The following ZNF618 variants were observed in gnomAD, a reference collection of about 807,000 sequenced individuals.
The protein encoded by ZNF618 is zinc finger protein 618.
ZNF618 carries 34 observed loss-of-function variants against 103.0 expected under a neutral mutation model. The observed-to-expected ratio is 0.33, with a 90% CI of 0.25 to 0.44. ZNF618 has a LOEUF of 0.44. ZNF618 is among the 20% of genes least tolerant of loss of function. The probability of loss-of-function intolerance (pLI) is 1.00; values close to 1 mark genes in which losing one functional copy is unlikely to be tolerated. For missense variants in ZNF618, 1,059 were observed against 1,295.4 expected (o/e 0.82, Z 2.80); for synonymous variants, 551 against 542.2 (o/e 1.02, Z -0.23).
At chr9:113,879,279 T>G (rs1828261432) in intron 1 of ZNF618, among the ~76,000 whole-genome samples, 1 of 151,934 alleles carries the variant, frequency 6.6e-6, no homozygotes, top group Non-Finnish European at 1.5e-5. Context: ...GTGGCCTGGA[T>G]CTCCTGACAC....
chr9:113,988,318 C>T lies in ZNF618; in HGVS notation c.78-3C>T. On this transcript the variant is annotated splice_region_variant and splice_polypyrimidine_tract_variant and intron_variant, in intron 2 of 14. Transcript: ENST00000374126. ...GTATTGAACGGAGTTTCTTCTTTCC[C>T]AGGGAGCGCTTGAAGCGCAGCCAGA... The T allele has an allele frequency of 6.2e-7, 1 of 1,610,166 alleles. No individual in the cohort carries two copies. Among genetic ancestry groups the T allele is most frequent in the East Asian group, 2.2e-5 (1 of 44,816 alleles).
In ZNF618 at chr9:114,007,449, G is replaced by T. The variant is rs186494717; in HGVS notation, c.640+10G>T. On this transcript the variant is annotated intron_variant, in intron 7 of 14. Transcript: ENST00000374126. ...CTGCACGCAGTGGATGGTGAGTCAG[G>T]CCCCTCACTCCCTGGAGTCATGCCA... 3.1e-6 allele frequency: 5 copies of T among 1,611,960 alleles called. No individual in the cohort carries two copies. The highest frequency in any genetic ancestry group is 2.5e-6 in the Non-Finnish European group (3 of 1,179,380).
intron 1 of ZNF618, among the ~76,000 whole-genome samples, chr9:113,924,790 T>C (rs932166366): frequency 6.6e-6 from 1 of 151,984 alleles, no homozygotes; most frequent in African/African-American, 2.4e-5. Context: ...CTGTGTGTTA[T>C]TTAGAAGTGT....
chr9:113,912,100 C>T (rs934084250), intron 1 of ZNF618, among the ~76,000 whole-genome samples: 2 of 152,138 alleles, frequency 1.3e-5, no homozygotes, highest in Non-Finnish European at 2.9e-5. Context: ...ATACTGCCAC[C>T]GACCACACTT....
intron 9 of ZNF618, among the ~76,000 whole-genome samples, chr9:114,013,498 T>G (rs1325765323): frequency 2.0e-5 from 3 of 152,220 alleles, no homozygotes; most frequent in Non-Finnish European, 4.4e-5. Context: ...TGGCGCAGTC[T>G]CGGCTCACTG....
chr9:113,988,923 C>T lies in ZNF618; in HGVS notation c.337+343C>T, dbSNP rs528454202. On this transcript the variant is annotated intron_variant, in intron 3 of 14. Transcript: ENST00000374126. ...GGGGTCTCCCACAGCCCTTACTGCT[C>T]GGTGTCCTAAATGCCTCTCTGCTGG... Among the ~76,000 whole-genome samples the T allele has an allele frequency of 7.2e-5, 11 of 151,852 alleles. No individual in the cohort carries two copies. The South Asian group carries it at 1.0e-3, about 14-fold the overall frequency.
At chr9:113,933,723 G>A (rs1338467239) in intron 1 of ZNF618, among the ~76,000 whole-genome samples, 1 of 152,212 alleles carries the variant, frequency 6.6e-6, no homozygotes, top group African/African-American at 2.4e-5. Context: ...GGGTAGGCAA[G>A]GAGTTGACTT....
At position 114,054,431 on chromosome 9, in the gene ZNF618, C is replaced by T. The variant is rs371342957; in HGVS notation, c.*4264C>T. The T allele has an allele frequency of 7.2e-5, 11 of 152,316 alleles. No individual in the cohort carries two copies. In the East Asian group the frequency reaches 1.5e-3, roughly 21 times the overall value. 9.4% of individuals were successfully genotyped at this position (152,316 alleles called of 1,614,324 possible). A position where few individuals can be genotyped will look rare whatever the true frequency, so the allele number is the denominator to read the frequency against. On this transcript the variant is annotated 3_prime_UTR_variant, in exon 15 of 15. Transcript: ENST00000374126. ...GCCGCCCGAAGTTCATAGCTTTGCC[C>T]TCGCCTTGGCAACAGCGGCAATGCC...
Position 113,884,905 on chromosome 9 carries a change from T to C in ZNF618, c.33+8492T>C, listed in dbSNP as rs76534673. 1.0e-3 allele frequency among the ~76,000 whole-genome samples: 156 copies of C among 152,194 alleles called. 3 individuals are homozygous for C. The East Asian group carries it at 0.025, about 24-fold the overall frequency. On this transcript the variant is annotated intron_variant, in intron 1 of 14. Coordinates refer to ENST00000374126, the MANE Select transcript of ZNF618 (RefSeq NM_001318042.2). ...GTGGGACTAAAAGCCTCAGATTTCTTCACTCCTCAACCAGTGCTTTTCCTG... is the reference window on the plus strand; with the variant it reads ...GTGGGACTAAAAGCCTCAGATTTCTCCACTCCTCAACCAGTGCTTTTCCTG...
At position 114,056,144 on chromosome 9, in the gene ZNF618, G is replaced by C. The variant is rs2134819990; in HGVS notation, c.*5977G>C. 6.6e-6 allele frequency: 1 copy of C among 152,294 alleles called. No homozygotes were observed. 9.4% of individuals were successfully genotyped at this position (152,294 alleles called of 1,614,324 possible). A position where few individuals can be genotyped will look rare whatever the true frequency, so the allele number is the denominator to read the frequency against. ...TGTAAACCCCCGAGACCAAACTTGA[G>C]GGTTTATTTAGGGTTTTCTGTTTGT... On this transcript the variant is annotated 3_prime_UTR_variant, in exon 15 of 15. Transcript: ENST00000374126.
At chr9:113,914,680 A>T (rs1216277319) in intron 1 of ZNF618, among the ~76,000 whole-genome samples, 1 of 152,250 alleles carries the variant, frequency 6.6e-6, no homozygotes, top group Non-Finnish European at 1.5e-5. Context: ...TATGCTAATT[A>T]TAAAAACATC....
rs540443571 is a variant in ZNF618, at chr9:113,968,582, A to G, written c.34-535A>G. On this transcript the variant is annotated intron_variant, in intron 1 of 14. Coordinates refer to ENST00000374126, the MANE Select transcript of ZNF618 (RefSeq NM_001318042.2). The stretch of plus-strand genomic sequence containing the variant: ...AGGCCCCAGTCTCTGCATCTGAATC[A>G]GAATTGTATGATTTCTGAAAATTTC... 8.7e-4 allele frequency among the ~76,000 whole-genome samples: 133 copies of G among 152,304 alleles called. 1 individual carries two copies. Among genetic ancestry groups the G allele is most frequent in the Admixed American group, 3.8e-3 (58 of 15,310 alleles).
intron 13 of ZNF618, 104 bp downstream of exon 13, chr9:114,036,481 C>A: frequency 8.1e-7 from 1 of 1,229,872 alleles, no homozygotes; most frequent in Non-Finnish European, 1.1e-6. Context: ...CCGCTCTTTC[C>A]TGGAAAATGG....
At chr9:114,018,178 A>C (rs952182304) in intron 10 of ZNF618, among the ~76,000 whole-genome samples, 1 of 152,212 alleles carries the variant, frequency 6.6e-6, no homozygotes, top group Non-Finnish European at 1.5e-5. Context: ...TAGGTCATTC[A>C]GTACCCGCCA....
chr9:114,002,004 G>A lies in ZNF618; in HGVS notation c.442G>A (p.Glu148Lys). 2 of 1,613,920 alleles carry A rather than the reference G, an allele frequency of 1.2e-6. No individual in the cohort carries two copies. The highest frequency in any genetic ancestry group is 8.5e-7 in the Non-Finnish European group (1 of 1,179,838). Residue 148 changes from glutamate (E) to lysine (K), a missense_variant, in exon 5 of 15, where the codon GAA (glutamate) becomes AAA (lysine). Physicochemically the swap from Glu to Lys is moderately conservative, Grantham distance 56. Coordinates refer to ENST00000374126, the MANE Select transcript of ZNF618 (RefSeq NM_001318042.2). ...CCTCTTCTGTTTTCCAGGGTCTTAC[G>A]AATGCGGAATCTGTGGCAAGAAGTA... ...QALRYASGSY[E>K]CGICGKKYKY...
Position 114,049,319 on chromosome 9 carries a change from G to A in ZNF618, c.2017G>A (p.Gly673Ser), listed in dbSNP as rs1173481283. The change falls in exon 15 of 15, where the codon GGC becomes AGC. Residue 673 changes from glycine to serine, a missense_variant. By Grantham distance (56) the Gly-to-Ser change is moderately conservative. Coordinates refer to ENST00000374126, the MANE Select transcript of ZNF618 (RefSeq NM_001318042.2). ...ELLNVCEDLAGSTGLAKETFG... is the reference protein window; with the variant it reads ...ELLNVCEDLASSTGLAKETFG... ...GCTCAACGTGTGCGAGGACCTGGCG[G>A]GCTCCACGGGCCTGGCCAAGGAGAC... 6.2e-7 allele frequency: 1 copy of A among 1,611,556 alleles called. No individual in the cohort carries two copies. Among genetic ancestry groups the A allele is most frequent in the Non-Finnish European group, 8.5e-7 (1 of 1,179,576 alleles).
chr9:114,010,747 C>T lies in ZNF618; in HGVS notation c.754+2193C>T, dbSNP rs530036066. On this transcript the variant is annotated intron_variant, in intron 9 of 14. Coordinates refer to ENST00000374126, the MANE Select transcript of ZNF618 (RefSeq NM_001318042.2). Reference sequence around the variant, plus strand: ...TTCATAGTTTGGTGACTATGACAGACATTCATAGGCAGATATAGGACAGGA... The same window carrying T: ...TTCATAGTTTGGTGACTATGACAGATATTCATAGGCAGATATAGGACAGGA... Among the ~76,000 whole-genome samples, 5 of 152,270 alleles carry T rather than the reference C, an allele frequency of 3.3e-5. No individual in the cohort carries two copies. The South Asian group carries it at 1.0e-3, about 32-fold the overall frequency.
rs532802826 is a variant in ZNF618 at position 114,032,825 on chromosome 9, T to C, written c.1168+97T>C. Reference sequence around the variant, plus strand: ...GCAGCATCCTGTGGGCTGGGGTCTTTGTGGTGCATTATGGATCTTGTTGGG... The same window carrying C: ...GCAGCATCCTGTGGGCTGGGGTCTTCGTGGTGCATTATGGATCTTGTTGGG... On this transcript the variant is annotated intron_variant, in intron 12 of 14. Transcript: ENST00000374126. The C allele has an allele frequency of 1.7e-4, 182 of 1,076,764 alleles. 1 individual carries two copies. The African/African-American group carries it at 2.2e-3, about 13-fold the overall frequency. The allele number at this position is 1,076,764 out of a possible 1,614,324, so 66.7% of individuals were successfully genotyped here. A position where few individuals can be genotyped will look rare whatever the true frequency, so the allele number is the denominator to read the frequency against.
At chr9:113,974,588 A>G (rs1838308377) in intron 2 of ZNF618, among the ~76,000 whole-genome samples, 1 of 152,156 alleles carries the variant, frequency 6.6e-6, no homozygotes, top group Non-Finnish European at 1.5e-5. Context: ...GAGTTTCTTA[A>G]GGGCTATTTT....
Sources: allele counts gnomAD v4.1 joint callset (sites outside exome capture counted in the v4.1 genomes callset), GRCh38; gene constraint gnomAD v4.1.1; transcripts MANE v1.5; gene names NCBI Gene and HGNC (gene_info 2026-07-23, HGNC 2026-07-21).